Variants in TAFA2 observed in about 807,000 individuals in gnomAD.
TAFA2 encodes TAFA chemokine like family member 2.
In TAFA2, 7 loss-of-function variants were observed where a neutral mutation model predicts 18.8. The ratio of observed to expected loss-of-function variants is 0.37; its 90% confidence interval spans 0.21 to 0.70. The LOEUF (loss-of-function observed/expected upper bound fraction) is 0.70, where lower values mean the gene tolerates loss of function less well. Ranked by LOEUF, TAFA2 falls within the 30% of genes least tolerant of loss-of-function variation. The probability of loss-of-function intolerance (pLI) is 0.53; values close to 1 mark genes in which losing one functional copy is unlikely to be tolerated. For synonymous variants in TAFA2, 60 were observed against 54.2 expected (o/e 1.11, Z -0.47); for missense variants, 122 against 158.1 (o/e 0.77, Z 1.23).
At chr12:61,871,895 A>G (rs774465171) in intron 1 of TAFA2, among the ~76,000 whole-genome samples, 8 of 152,130 alleles carry the variant, frequency 5.3e-5, no homozygotes, top group Non-Finnish European at 7.3e-5. Context: ...GATCGAGACC[A>G]TCCTGGCTAA....
intron 1 of TAFA2, among the ~76,000 whole-genome samples, chr12:62,250,621 CTGTT>C (rs2062908556): frequency 6.6e-6 from 1 of 151,936 alleles, no homozygotes; most frequent in African/African-American, 2.4e-5. Context: ...TGAATATTGC[CTGTT>C]TATTTTTTAT....
In TAFA2 at chr12:62,161,022, T is replaced by C. The variant is rs146696399; in HGVS notation, c.-2+30237A>G. Among the ~76,000 whole-genome samples the C allele has an allele frequency of 3.1e-3, 474 of 152,328 alleles. 1 individual carries two copies. The highest frequency in any genetic ancestry group is 0.011 in the African/African-American group (460 of 41,574). On this transcript the variant is annotated intron_variant, in intron 1 of 4. Coordinates refer to ENST00000416284, the MANE Select transcript of TAFA2 (RefSeq NM_178539.5). ...GTCAAGTCTGCAAGAATCATATGAA[T>C]GTATGACAATTAAAGATACGGTACA...
intron 1 of TAFA2, among the ~76,000 whole-genome samples, chr12:62,084,714 A>T (rs542767431): frequency 6.6e-5 from 10 of 152,298 alleles, no homozygotes; most frequent in African/African-American, 2.2e-4. Context: ...TATCAGACAA[A>T]TACAGGTCCC....
At chr12:61,876,819 C>T (rs1874867172) in intron 1 of TAFA2, among the ~76,000 whole-genome samples, 1 of 151,876 alleles carries the variant, frequency 6.6e-6, no homozygotes, top group Admixed American at 6.6e-5. Context: ...CACTTGAATT[C>T]ACACTTCTCT....
At chr12:62,140,904 T>C (rs559023419) in intron 1 of TAFA2, among the ~76,000 whole-genome samples, 15 of 152,108 alleles carry the variant, frequency 9.9e-5, no homozygotes, top group Non-Finnish European at 1.9e-4. Context: ...GCCTTGACTG[T>C]AGAGAGAACA....
At chr12:61,984,156 G>C (rs1314051639) in intron 1 of TAFA2, among the ~76,000 whole-genome samples, 1 of 152,194 alleles carries the variant, frequency 6.6e-6, no homozygotes, top group African/African-American at 2.4e-5. Context: ...CTAAAAGCAA[G>C]GATTTTGTTA....
chr12:61,933,811 AT>A (rs758958862), intron 1 of TAFA2, among the ~76,000 whole-genome samples: 6 of 152,240 alleles, frequency 3.9e-5, no homozygotes, highest in Admixed American at 1.3e-4. Flanking sequence ...TAAGCTAGGC[AT>A]TGTGCTAAGC....
chr12:62,234,441 G>A (rs2062826251), intron 1 of TAFA2: 1 of 804,440 alleles, frequency 1.2e-6, no homozygotes, highest in Non-Finnish European at 2.2e-6. Context: ...GTGGGTCTGA[G>A]GGTCCTGGCC....
chr12:62,081,150 G>C (rs757253414), intron 1 of TAFA2, among the ~76,000 whole-genome samples: 1 of 152,042 alleles, frequency 6.6e-6, no homozygotes, highest in Admixed American at 6.5e-5. Flanking sequence ...AACCGAGATC[G>C]CGCCACTGCA....
intron 1 of TAFA2, among the ~76,000 whole-genome samples, chr12:62,247,618 T>A (rs2062893041): frequency 6.6e-6 from 1 of 152,236 alleles, no homozygotes. Flanking sequence ...CTAGATAGCT[T>A]TGGAACATAA....
chr12:61,920,559 C>A (rs1387193294), intron 1 of TAFA2, among the ~76,000 whole-genome samples: 3 of 152,146 alleles, frequency 2.0e-5, no homozygotes, highest in African/African-American at 7.2e-5. Context: ...CACTTTTCTA[C>A]AAATGTATTG....
At chr12:61,835,207 C>T (rs1327640597) in intron 2 of TAFA2, among the ~76,000 whole-genome samples, 1 of 151,974 alleles carries the variant, frequency 6.6e-6, no homozygotes, top group Admixed American at 6.6e-5. Flanking sequence ...TTACTGCTAA[C>T]AGTAATGCTA....
intron 1 of TAFA2, among the ~76,000 whole-genome samples, chr12:62,112,090 C>A (rs575278572): frequency 3.9e-5 from 6 of 152,112 alleles, no homozygotes; most frequent in Non-Finnish European, 8.8e-5. Context: ...TGTCGATGGT[C>A]TTTACAATTT....
At chr12:61,807,624 C>T (rs1251374150) in intron 2 of TAFA2, among the ~76,000 whole-genome samples, 2 of 151,410 alleles carry the variant, frequency 1.3e-5, no homozygotes, top group Non-Finnish European at 2.9e-5. Flanking sequence ...AGACACTCAA[C>T]ACTAGCCCAT....
intron 2 of TAFA2, among the ~76,000 whole-genome samples, chr12:61,803,429 C>T (rs1370199523): frequency 6.6e-6 from 1 of 151,914 alleles, no homozygotes; most frequent in Non-Finnish European, 1.5e-5. Context: ...TCCAGATTCT[C>T]TAACCAACTT....
chr12:61,984,426 G>A (rs1031278363), intron 1 of TAFA2, among the ~76,000 whole-genome samples: 1 of 152,180 alleles, frequency 6.6e-6, no homozygotes, highest in Non-Finnish European at 1.5e-5. Flanking sequence ...ACAAAAGATG[G>A]GGCTTGATTA....
intron 2 of TAFA2, among the ~76,000 whole-genome samples, chr12:61,846,897 G>T (rs1440854427): frequency 2.0e-5 from 3 of 152,170 alleles, no homozygotes; most frequent in Non-Finnish European, 4.4e-5. Flanking sequence ...GTGAAAACTT[G>T]AGTTCATCTC....
intron 1 of TAFA2, among the ~76,000 whole-genome samples, chr12:62,079,120 T>C (rs979948621): frequency 6.6e-6 from 1 of 152,124 alleles, no homozygotes; most frequent in African/African-American, 2.4e-5. Context: ...GCTGCCCCTC[T>C]CTCCAGCGTC....
At chr12:61,758,753 C>T (rs1869394606) in intron 2 of TAFA2, among the ~76,000 whole-genome samples, 2 of 151,926 alleles carry the variant, frequency 1.3e-5, no homozygotes, top group Non-Finnish European at 1.5e-5. Flanking sequence ...AGTGAGACTG[C>T]AGAGCAGAGT....
Sources: allele counts gnomAD v4.1 joint callset (sites outside exome capture counted in the v4.1 genomes callset), GRCh38; gene constraint gnomAD v4.1.1; transcripts MANE v1.5; gene names NCBI Gene and HGNC (gene_info 2026-07-23, HGNC 2026-07-21).